The following SYNGR1 variants were observed in gnomAD, a reference collection of about 807,000 sequenced individuals.
The protein encoded by SYNGR1 is synaptogyrin-1.
In SYNGR1, 14 loss-of-function variants were observed where a neutral mutation model predicts 26.1. The observed-to-expected ratio is 0.54, with a 90% CI of 0.35 to 0.84. SYNGR1 has a LOEUF of 0.84. Ranked by LOEUF, SYNGR1 falls within the 40% of genes least tolerant of loss-of-function variation. The pLI is 0.01. For synonymous variants in SYNGR1, 141 were observed against 150.1 expected (o/e 0.94, Z 0.44); for missense variants, 319 against 332.9 (o/e 0.96, Z 0.33).
chr22:39,354,153 T>C (rs137702), intron 1 of SYNGR1, among the ~76,000 whole-genome samples: 122,867 of 152,246 alleles, frequency 0.81, 50,036 homozygotes, highest in East Asian at 1. Context: ...TGAGCCACCG[T>C]GCCCAGTCAA....
chr22:39,374,077 G>A (rs1925153775), intron 1 of SYNGR1, among the ~76,000 whole-genome samples: 1 of 152,148 alleles, frequency 6.6e-6, no homozygotes, highest in African/African-American at 2.4e-5. Flanking sequence ...CACATCTATG[G>A]TCAGAGAGTC....
intron 1 of SYNGR1, among the ~76,000 whole-genome samples, chr22:39,354,769 G>A (rs1924070097): frequency 6.6e-6 from 1 of 152,060 alleles, no homozygotes; most frequent in Non-Finnish European, 1.5e-5. Context: ...AACCCGGGAG[G>A]CGGAGGTTGC....
intron 1 of SYNGR1, among the ~76,000 whole-genome samples, chr22:39,357,613 GCGGGCCCCGCC>G (rs1924208562): frequency 6.8e-6 from 1 of 147,640 alleles, no homozygotes; most frequent in Non-Finnish European, 1.5e-5. Flanking sequence ...CGTGGGCTTG[GCGGGCCCCGCC>G]CTCGGAGCAG....
intron 1 of SYNGR1, among the ~76,000 whole-genome samples, chr22:39,372,537 G>A (rs530860410): frequency 1.6e-4 from 20 of 124,462 alleles, no homozygotes; most frequent in African/African-American, 4.6e-4. Context: ...TGCAACCTCC[G>A]CCCAGGCCCA....
At chr22:39,351,986 G>T (rs1489715506) in intron 1 of SYNGR1, among the ~76,000 whole-genome samples, 1 of 152,182 alleles carries the variant, frequency 6.6e-6, no homozygotes, top group East Asian at 1.9e-4. Flanking sequence ...GCACCCATGG[G>T]GTGCAAGACC....
intron 1 of SYNGR1, among the ~76,000 whole-genome samples, chr22:39,353,110 C>A (rs1923988432): frequency 6.6e-6 from 1 of 152,230 alleles, no homozygotes; most frequent in African/African-American, 2.4e-5. Context: ...GATCCACCTG[C>A]CTTGGCCTCC....
At chr22:39,374,895 C>T in intron 2 of SYNGR1, 1 of 398,480 alleles carries the variant, frequency 2.5e-6, no homozygotes, top group Non-Finnish European at 4.8e-6. Flanking sequence ...CCTGGGGCAG[C>T]CTCATGAGGA....
chr22:39,360,032 G>C (rs1345043135), intron 1 of SYNGR1, among the ~76,000 whole-genome samples: 1 of 152,138 alleles, frequency 6.6e-6, no homozygotes, highest in Non-Finnish European at 1.5e-5. Context: ...CAGTGGCCAC[G>C]TGTTGCAGCT....
intron 3 of SYNGR1, chr22:39,379,529 G>A (rs1925425957): frequency 6.6e-6 from 1 of 152,080 alleles, no homozygotes; most frequent in Non-Finnish European, 1.5e-5. Flanking sequence ...AGCTACTTGG[G>A]AGGCTGAGGC....
Position 39,363,253 on chromosome 22 carries a change from C to T in SYNGR1, c.100-11063C>T, listed in dbSNP as rs1392825323. 8.6e-5 allele frequency among the ~76,000 whole-genome samples: 12 copies of T among 140,078 alleles called. No homozygotes were observed. The East Asian group carries it at 1.0e-3, about 12-fold the overall frequency. 91.9% of individuals were successfully genotyped at this position (140,078 alleles called of 152,430 possible). A position where few individuals can be genotyped will look rare whatever the true frequency, so the allele number is the denominator to read the frequency against. ...GGAAGGTCTTTACCTGGGCAGGGGG[C>T]GGTGGGTGAGCATCAATCCAAGAGT... On this transcript the variant is annotated intron_variant, in intron 1 of 3. Transcript: ENST00000328933.
Position 39,374,441 on chromosome 22 carries a change from C to A in SYNGR1, c.225C>A (p.Gly75=), listed in dbSNP as rs149257898. The A allele has an allele frequency of 4.3e-6, 7 of 1,614,002 alleles. No homozygotes were observed. The Admixed American group carries it at 1.0e-4, about 23-fold the overall frequency. ...PNACSYGVAV[G]VLAFLTCLLY... ...CCTGCAGCTATGGCGTGGCCGTGGG[C>A]GTGCTCGCCTTCCTCACCTGCCTGC... Residue 75 remains glycine, a synonymous_variant, in exon 2 of 4, where the codon GGC becomes GGA. Transcript: ENST00000328933.
chr22:39,364,553 G>A (rs1924641494), intron 1 of SYNGR1, among the ~76,000 whole-genome samples: 1 of 152,196 alleles, frequency 6.6e-6, no homozygotes, highest in African/African-American at 2.4e-5. Flanking sequence ...GCTCAGGGTG[G>A]GAAAGAGTGA....
At chr22:39,364,269 G>T in intron 1 of SYNGR1, 1 of 1,614,100 alleles carries the variant, frequency 6.2e-7, no homozygotes, top group African/African-American at 1.3e-5. Flanking sequence ...GGTCGTGGGT[G>T]AGCTGGAGGA....
At chr22:39,371,224 C>T (rs1292851949) in intron 1 of SYNGR1, among the ~76,000 whole-genome samples, 2 of 152,104 alleles carry the variant, frequency 1.3e-5, no homozygotes, top group Non-Finnish European at 2.9e-5. Flanking sequence ...CTCCTATAAT[C>T]CCAGCACTTT....
At chr22:39,372,241 C>T (rs1196949159) in intron 1 of SYNGR1, among the ~76,000 whole-genome samples, 3 of 150,132 alleles carry the variant, frequency 2.0e-5, no homozygotes, top group East Asian at 3.9e-4. Flanking sequence ...AAGCGATTCT[C>T]CTGCTTCAGC....
At chr22:39,366,523 A>G (rs1393032302) in intron 1 of SYNGR1, among the ~76,000 whole-genome samples, 1 of 152,034 alleles carries the variant, frequency 6.6e-6, no homozygotes, top group Non-Finnish European at 1.5e-5. Flanking sequence ...GCGCACGGCT[A>G]TAATCCCAGC....
chr22:39,377,927 G>A (rs1226498738), intron 3 of SYNGR1: 17 of 1,355,460 alleles, frequency 1.3e-5, no homozygotes, highest in South Asian at 5.8e-5. Context: ...TTTGTGCCTA[G>A]TGATGAATTA....
chr22:39,357,667 TGGGCTTGGCGGGCCCCGCCCTCGG>T (rs1924218946), intron 1 of SYNGR1, among the ~76,000 whole-genome samples: 1 of 127,532 alleles, frequency 7.8e-6, no homozygotes, highest in East Asian at 2.0e-4. Context: ...GACCCGGGCG[TGGGCTTGGCGGGCCCCGCCCTCGG>T]AGCAGCCGGC....
chr22:39,374,529 G>A lies in SYNGR1; in HGVS notation c.313G>A (p.Val105Ile), dbSNP rs778178266. The change falls in exon 2 of 4, where the codon GTC becomes ATC. Residue 105 changes from valine (V) to isoleucine (I), a missense_variant. Coordinates refer to ENST00000328933, the MANE Select transcript of SYNGR1 (RefSeq NM_004711.5). Reference sequence around the variant, plus strand: ...CAGCGTCAAGGACCGCAAGAAAGCCGTCCTGTCCGACATCGGTGTCTCGGG... The same window carrying A: ...CAGCGTCAAGGACCGCAAGAAAGCCATCCTGTCCGACATCGGTGTCTCGGG... The part of the protein sequence containing the change: ...ISSVKDRKKA[V>I]LSDIGVSAFW... The A allele has an allele frequency of 1.5e-5, 24 of 1,613,424 alleles. No individual in the cohort carries two copies. Among genetic ancestry groups the A allele is most frequent in the Middle Eastern group, 1.6e-4 (1 of 6,082 alleles).
Sources: allele counts gnomAD v4.1 joint callset (sites outside exome capture counted in the v4.1 genomes callset), GRCh38; gene constraint gnomAD v4.1.1; transcripts MANE v1.5; gene names NCBI Gene and HGNC (gene_info 2026-07-23, HGNC 2026-07-21).